Variants in VGLL3 observed in about 807,000 individuals in gnomAD.
The protein encoded by VGLL3 is vestigial like family member 3.
VGLL3 carries 18 observed loss-of-function variants against 29.2 expected under a neutral mutation model. The ratio of observed to expected loss-of-function variants is 0.62; its 90% CI spans 0.43 to 0.91. The LOEUF (loss-of-function observed/expected upper bound fraction) is 0.91, where lower values mean the gene tolerates loss of function less well. VGLL3 is among the 40% of genes least tolerant of loss of function. The probability of loss-of-function intolerance (pLI) is 0.00; values close to 1 mark genes in which losing one functional copy is unlikely to be tolerated. For missense variants in VGLL3, 440 were observed against 413.2 expected (o/e 1.06, Z -0.56); for synonymous variants, 180 against 151.8 (o/e 1.19, Z -1.36).
At chr3:86,990,304 T>C in intron 1 of VGLL3, 1 of 985,292 alleles carries the variant, frequency 1.0e-6, no homozygotes, top group Non-Finnish European at 1.2e-6. Flanking sequence ...ACTCACATGG[T>C]CCTAAGATAG....
Position 86,953,411 on chromosome 3 carries a change from G to GAC in VGLL3, c.938-6346_938-6345dup, listed in dbSNP as rs57427070. Reference sequence around the variant, plus strand: ...TCTATAGATGTACATCTTTTAGATAGACACACACACACACACACACGGGTG... The same window carrying GAC: ...TCTATAGATGTACATCTTTTAGATAGACACACACACACACACACACACGGGTG... On this transcript the variant is annotated intron_variant, in intron 3 of 3. Transcript: ENST00000398399. 8.7e-3 allele frequency among the ~76,000 whole-genome samples: 1,304 copies of GAC among 149,740 alleles called. 7 individuals carry two copies. The highest frequency in any genetic ancestry group is 0.017 in the Middle Eastern group (5 of 290).
At chr3:86,978,421 C>G (rs1353646930) in intron 2 of VGLL3, 105 bp downstream of exon 2, 4 of 1,286,466 alleles carry the variant, frequency 3.1e-6, no homozygotes, top group African/African-American at 3.0e-5. Context: ...TATTAAAAAG[C>G]AAGTGGATAT....
intron 1 of VGLL3, among the ~76,000 whole-genome samples, chr3:86,987,187 A>G (rs1705460571): frequency 6.6e-6 from 1 of 152,188 alleles, no homozygotes; most frequent in African/African-American, 2.4e-5. Context: ...TCTCACTTGT[A>G]AAAAGAAGAG....
At chr3:86,949,792 A>G (rs373413884) in intron 3 of VGLL3, among the ~76,000 whole-genome samples, 1 of 149,162 alleles carries the variant, frequency 6.7e-6, no homozygotes, top group South Asian at 2.1e-4. Context: ...ATGCCACTGC[A>G]CTCCAGCCTG....
At chr3:86,969,595 G>T (rs950842784) in intron 2 of VGLL3, among the ~76,000 whole-genome samples, 3 of 151,856 alleles carry the variant, frequency 2.0e-5, no homozygotes, top group Non-Finnish European at 4.4e-5. Context: ...TAATGCCGAA[G>T]GTAACAATGG....
At chr3:86,954,024 A>T (rs191632318) in intron 3 of VGLL3, among the ~76,000 whole-genome samples, 1 of 152,364 alleles carries the variant, frequency 6.6e-6, no homozygotes, top group East Asian at 1.9e-4. Context: ...ATTACAAAAG[A>T]TACCTAGCAT....
chr3:86,952,463 C>A (rs573323706), intron 3 of VGLL3, among the ~76,000 whole-genome samples: 1 of 151,668 alleles, frequency 6.6e-6, no homozygotes, highest in African/African-American at 2.4e-5. Flanking sequence ...AATTTTATTG[C>A]GGGAGATAAA....
chr3:86,979,758 C>G (rs993775852), intron 1 of VGLL3, among the ~76,000 whole-genome samples: 3 of 151,902 alleles, frequency 2.0e-5, no homozygotes, highest in Non-Finnish European at 2.9e-5. Flanking sequence ...GAAAAACATA[C>G]AGGTATAGAC....
intron 3 of VGLL3, among the ~76,000 whole-genome samples, chr3:86,965,911 C>T (rs1353006511): frequency 6.6e-6 from 1 of 152,164 alleles, no homozygotes; most frequent in African/African-American, 2.4e-5. Flanking sequence ...AACATTACCC[C>T]ATAAATTGTC....
intron 3 of VGLL3, among the ~76,000 whole-genome samples, chr3:86,956,438 C>T (rs931654661): frequency 1.1e-4 from 16 of 152,194 alleles, no homozygotes; most frequent in African/African-American, 3.9e-4. Context: ...ATGACAACTC[C>T]TTTAAGAAAA....
intron 1 of VGLL3, among the ~76,000 whole-genome samples, chr3:86,988,074 G>A (rs1390242013): frequency 1.3e-5 from 2 of 152,122 alleles, no homozygotes; most frequent in African/African-American, 4.8e-5. Flanking sequence ...TAATTAATAA[G>A]GACTTCAGAG....
chr3:86,961,958 T>C (rs1255254500), intron 3 of VGLL3: 13 of 981,274 alleles, frequency 1.3e-5, no homozygotes, highest in Non-Finnish European at 1.6e-5. Flanking sequence ...TTATATGCTA[T>C]AGGGAACTGT....
chr3:86,979,522 GA>G (rs1472917323), intron 1 of VGLL3, among the ~76,000 whole-genome samples: 1 of 151,952 alleles, frequency 6.6e-6, no homozygotes, highest in Non-Finnish European at 1.5e-5. Flanking sequence ...AAATGAGAAA[GA>G]TTTGTTAATT....
At chr3:86,990,365 G>T (rs1705552910) in intron 1 of VGLL3, 1 of 985,294 alleles carries the variant, frequency 1.0e-6, no homozygotes, top group Non-Finnish European at 1.2e-6. Flanking sequence ...AGGGTGCCTA[G>T]GAGGAGCAGC....
chr3:86,956,349 G>C (rs977560469), intron 3 of VGLL3, among the ~76,000 whole-genome samples: 1 of 152,182 alleles, frequency 6.6e-6, no homozygotes, highest in African/African-American at 2.4e-5. Flanking sequence ...TCCTTCTATA[G>C]TGAGTGAGCA....
intron 1 of VGLL3, among the ~76,000 whole-genome samples, chr3:86,982,514 G>A (rs2107061360): frequency 6.6e-6 from 1 of 151,130 alleles, no homozygotes; most frequent in South Asian, 2.1e-4. Context: ...GTATTCACTT[G>A]GTGTTTGCTC....
chr3:86,975,775 G>C (rs1575875371), intron 2 of VGLL3, among the ~76,000 whole-genome samples: 2 of 152,118 alleles, frequency 1.3e-5, no homozygotes, highest in Non-Finnish European at 2.9e-5. Context: ...AGCGCATGCT[G>C]TGTGCTCCTG....
chr3:86,979,212 G>A lies in VGLL3; in HGVS notation c.127-410C>T, dbSNP rs187053964. Among the ~76,000 whole-genome samples, 573 of 152,238 alleles carry A rather than the reference G, an allele frequency of 3.8e-3. 2 individuals carry two copies. The highest frequency in any genetic ancestry group is 6.5e-3 in the Non-Finnish European group (439 of 68,012). ...CAATGTACAGCAGTGTTATGGTTTA[G>A]GACAGAGAGGAATGACTGTCTGGGG... On this transcript the variant is annotated intron_variant, in intron 1 of 3. Coordinates refer to ENST00000398399, the MANE Select transcript of VGLL3 (RefSeq NM_016206.4).
chr3:86,960,457 A>AT (rs1297691202), intron 3 of VGLL3, among the ~76,000 whole-genome samples: 1 of 151,968 alleles, frequency 6.6e-6, no homozygotes, highest in African/African-American at 2.4e-5. Flanking sequence ...CCCTCAAACA[A>AT]TTTTTTTCAG....
Sources: gnomAD v4.1 joint callset for allele counts (sites outside exome capture counted in the v4.1 genomes callset) on GRCh38, gnomAD v4.1.1 for gene constraint, MANE v1.5 for transcripts, NCBI Gene and HGNC (gene_info 2026-07-23, HGNC 2026-07-21) for gene names.